The following NR3C2 variants were observed in gnomAD, a reference collection of about 807,000 sequenced individuals.
NR3C2 encodes the protein mineralocorticoid receptor.
A neutral mutation model predicts 86.4 loss-of-function variants in NR3C2; 15 were observed. That is an observed-to-expected ratio of 0.17 (90% CI 0.12 to 0.27). The LOEUF is 0.27. Among genes scored for constraint, NR3C2 ranks in the 10% least tolerant of loss-of-function variants. The pLI is 1.00. For synonymous variants in NR3C2, 458 were observed against 450.5 expected (o/e 1.02, Z -0.21); for missense variants, 960 against 1,195.6 (o/e 0.80, Z 2.91).
chr4:148,351,554 G>T (rs1745277011), intron 2 of NR3C2, among the ~76,000 whole-genome samples: 1 of 152,134 alleles, frequency 6.6e-6, no homozygotes, highest in African/African-American at 2.4e-5. Context: ...TCAGCAGTGG[G>T]ATCCTGGAAA....
intron 3 of NR3C2, among the ~76,000 whole-genome samples, chr4:148,210,910 G>A (rs1401696493): frequency 6.6e-6 from 1 of 152,174 alleles, no homozygotes; most frequent in Non-Finnish European, 1.5e-5. Context: ...GTAGATATGA[G>A]ATTAATCTCT....
upstream of NR3C2, chr4:148,442,776 CG>C: frequency 1.0e-6 from 1 of 985,438 alleles, no homozygotes; most frequent in Non-Finnish European, 1.2e-6. Context: ...CTACATCAGG[CG>C]GCCTCCGCAC....
chr4:148,221,893 TAAA>T (rs11378484), intron 3 of NR3C2, among the ~76,000 whole-genome samples: 2 of 122,698 alleles, frequency 1.6e-5, no homozygotes, highest in Non-Finnish European at 3.3e-5. Flanking sequence ...GACTCTGTCT[TAAA>T]AAAAAAAAAA....
intron 8 of NR3C2, among the ~76,000 whole-genome samples, chr4:148,086,546 C>T (rs1313947706): frequency 6.6e-6 from 1 of 152,034 alleles, no homozygotes. Flanking sequence ...ATCAGCCTGG[C>T]TAAAATGGTG....
At chr4:148,328,183 T>C (rs551973980) in intron 2 of NR3C2, among the ~76,000 whole-genome samples, 13 of 152,332 alleles carry the variant, frequency 8.5e-5, no homozygotes, top group African/African-American at 2.4e-4. Flanking sequence ...TGGATCCTTC[T>C]ACTGCCCTCT....
At position 148,220,716 on chromosome 4, in the gene NR3C2, A is replaced by G. The variant is rs150685496; in HGVS notation, c.1898-25854T>C. ...GAAACTGAGGGGGGAGGATGGCTTGAGCCCAGGAGGTCAAGGCTGCAGTAA... is the reference window on the plus strand; with the variant it reads ...GAAACTGAGGGGGGAGGATGGCTTGGGCCCAGGAGGTCAAGGCTGCAGTAA... On this transcript the variant is annotated intron_variant, in intron 3 of 8. Transcript: ENST00000358102. Among the ~76,000 whole-genome samples, 335 of 152,312 alleles carry G rather than the reference A, an allele frequency of 2.2e-3. 2 individuals carry two copies. The highest frequency in any genetic ancestry group is 7.4e-3 in the African/African-American group (309 of 41,578).
intron 6 of NR3C2, among the ~76,000 whole-genome samples, chr4:148,139,416 G>A (rs1260074735): frequency 8.0e-6 from 1 of 125,244 alleles, no homozygotes; most frequent in Admixed American, 8.1e-5. Context: ...TAAGCTTCCA[G>A]CATCAGCTCA....
chr4:148,084,820 T>C (rs1334300647), intron 8 of NR3C2, among the ~76,000 whole-genome samples: 3 of 152,026 alleles, frequency 2.0e-5, no homozygotes, highest in African/African-American at 7.3e-5. Flanking sequence ...TGGAGGAAGA[T>C]TTACCAAGCA....
intron 2 of NR3C2, among the ~76,000 whole-genome samples, chr4:148,319,345 G>C (rs564833616): frequency 6.6e-6 from 1 of 152,306 alleles, no homozygotes; most frequent in East Asian, 1.9e-4. Flanking sequence ...GCTTAGGATT[G>C]ACTTGGCGAT....
intron 8 of NR3C2, among the ~76,000 whole-genome samples, chr4:148,094,779 T>G (rs557184463): frequency 6.6e-6 from 1 of 151,560 alleles, no homozygotes; most frequent in South Asian, 2.1e-4. Context: ...AGCAGCATTA[T>G]TCACAATTCC....
At chr4:148,190,457 G>A (rs1314807001) in intron 4 of NR3C2, among the ~76,000 whole-genome samples, 2 of 152,164 alleles carry the variant, frequency 1.3e-5, no homozygotes, top group African/African-American at 4.8e-5. Context: ...CCTATCATAT[G>A]GTCCATCTTG....
At chr4:148,407,269 C>T (rs1454675404) in intron 2 of NR3C2, among the ~76,000 whole-genome samples, 5 of 152,094 alleles carry the variant, frequency 3.3e-5, no homozygotes, top group Non-Finnish European at 5.9e-5. Flanking sequence ...ATTTATAATA[C>T]AGGAGAAATG....
At chr4:148,377,336 G>A (rs1023560886) in intron 2 of NR3C2, among the ~76,000 whole-genome samples, 1 of 152,196 alleles carries the variant, frequency 6.6e-6, no homozygotes, top group Non-Finnish European at 1.5e-5. Context: ...ATGTGGAGAA[G>A]AAAACTTAAT....
chr4:148,333,309 G>C (rs1254529919), intron 2 of NR3C2, among the ~76,000 whole-genome samples: 1 of 152,032 alleles, frequency 6.6e-6, no homozygotes, highest in Non-Finnish European at 1.5e-5. Flanking sequence ...TGAAAAACTA[G>C]AAAAGTTCTC....
chr4:148,399,299 T>C (rs1748021625), intron 2 of NR3C2, among the ~76,000 whole-genome samples: 1 of 152,180 alleles, frequency 6.6e-6, no homozygotes, highest in South Asian at 2.1e-4. Context: ...GGCAACATAA[T>C]ATTCCACTGA....
rs72655219 is a variant in NR3C2, at chr4:148,251,459, G to A, written c.1897+8519C>T. On this transcript the variant is annotated intron_variant, in intron 3 of 8. Transcript: ENST00000358102. The stretch of plus-strand genomic sequence containing the variant: ...GATCATAACTACACCACGAGTGCAA[G>A]TTCTCTGAGAGCAGCTTCATGTCCT... Among the ~76,000 whole-genome samples, 1,463 of 152,300 alleles carry A rather than the reference G, an allele frequency of 9.6e-3. 72 individuals are homozygous for A. Among genetic ancestry groups the A allele is most frequent in the Admixed American group, 0.089 (1,356 of 15,296 alleles).
At chr4:148,281,478 C>T (rs1741237759) in intron 2 of NR3C2, among the ~76,000 whole-genome samples, 2 of 152,150 alleles carry the variant, frequency 1.3e-5, no homozygotes, top group African/African-American at 4.8e-5. Context: ...AATATATTTA[C>T]ATTTCTTCCT....
intron 2 of NR3C2, among the ~76,000 whole-genome samples, chr4:148,423,785 C>T (rs916196499): frequency 5.3e-5 from 8 of 152,204 alleles, no homozygotes; most frequent in African/African-American, 1.9e-4. Context: ...TCACTGCAAC[C>T]TCCACTTCCC....
At chr4:148,325,764 C>T (rs1743934512) in intron 2 of NR3C2, among the ~76,000 whole-genome samples, 1 of 152,182 alleles carries the variant, frequency 6.6e-6, no homozygotes, top group Non-Finnish European at 1.5e-5. Context: ...AAACCACATA[C>T]CTCCCCTTAC....
Sources: gnomAD v4.1 joint callset for allele counts (sites outside exome capture counted in the v4.1 genomes callset) on GRCh38, gnomAD v4.1.1 for gene constraint, MANE v1.5 for transcripts, NCBI Gene and HGNC (gene_info 2026-07-23, HGNC 2026-07-21) for gene names.